The following INO80D variants were observed in gnomAD, a reference collection of about 807,000 sequenced individuals.
INO80D encodes INO80 complex subunit D.
In INO80D, 21 loss-of-function variants were observed where a neutral mutation model predicts 87.6. That is an observed-to-expected ratio of 0.24 (90% CI 0.17 to 0.35). INO80D has a LOEUF of 0.35. Among genes scored for constraint, INO80D ranks in the 10% least tolerant of loss-of-function variants. INO80D has a pLI of 1.00. For synonymous variants in INO80D, 440 were observed against 491.0 expected, an observed-to-expected ratio of 0.90 and a Z score of 1.37; for missense variants, 982 against 1,280.7, an observed-to-expected ratio of 0.77 and a Z score of 3.56.
chr2:206,028,884 GT>G (rs961103518), intron 5 of INO80D, among the ~76,000 whole-genome samples: 1 of 149,582 alleles, frequency 6.7e-6, no homozygotes, highest in Non-Finnish European at 1.5e-5. Context: ...TTTTTGTTTT[GT>G]TTTTTTGTTT....
At chr2:206,049,734 A>T (rs916508271) in intron 4 of INO80D, among the ~76,000 whole-genome samples, 2 of 152,150 alleles carry the variant, frequency 1.3e-5, no homozygotes, top group Non-Finnish European at 2.9e-5. Flanking sequence ...TACAGACTAC[A>T]CTCTGTCATA....
intron 10 of INO80D, among the ~76,000 whole-genome samples, chr2:206,005,768 C>T (rs1688006828): frequency 2.0e-5 from 3 of 152,154 alleles, no homozygotes; most frequent in Admixed American, 1.3e-4. Context: ...TACTGAATAC[C>T]ATCTCAAAAA....
At chr2:206,031,048 A>C (rs1310668321) in intron 5 of INO80D, among the ~76,000 whole-genome samples, 2 of 152,124 alleles carry the variant, frequency 1.3e-5, no homozygotes, top group Non-Finnish European at 2.9e-5. Context: ...CCACCAACAA[A>C]GAATGGGAAG....
chr2:206,072,780 TATAG>T (rs1246128638), intron 1 of INO80D, among the ~76,000 whole-genome samples: 1 of 152,118 alleles, frequency 6.6e-6, no homozygotes, highest in African/African-American at 2.4e-5. Context: ...GCATACTTAT[TATAG>T]AATTTTTTTA....
chr2:206,064,817 GA>G (rs140035256), intron 1 of INO80D, among the ~76,000 whole-genome samples: 41,383 of 146,570 alleles, frequency 0.28, 6,585 homozygotes, highest in Non-Finnish European at 0.36. Flanking sequence ...ACTGTAGTAG[GA>G]AAAAAAAAAA....
In INO80D at chr2:206,019,791, C is replaced by T. The variant is rs200656342; in HGVS notation, c.1353G>A (p.Val451=). The T allele has an allele frequency of 1.2e-5, 20 of 1,613,828 alleles. No individual in the cohort carries two copies. Among genetic ancestry groups the T allele is most frequent in the Non-Finnish European group, 1.7e-5 (20 of 1,179,876 alleles). ...EVEPAACSGT[V]KGEQCANKAL... ...CTTTGTTAGCGCACTGTTCACCCTT[C>T]ACGGTTCCACTGCATGCTGCTGGTT... Residue 451 remains valine (V), a synonymous_variant, in exon 7 of 11, where the codon GTG becomes GTA. Coordinates refer to ENST00000403263, the MANE Select transcript of INO80D (RefSeq NM_017759.5).
Position 206,056,558 on chromosome 2 carries a change from G to C in INO80D, c.604C>G (p.Gln202Glu), listed in dbSNP as rs568057787. Residue 202 changes from glutamine (Q) to glutamate (E), a missense_variant, in exon 4 of 11, where the codon CAG (glutamine) becomes GAG (glutamate). Transcript: ENST00000403263. ...EHFSPPPAPS[Q>E]QQPPQQHSHL... ...GAGTGCTGCTGCGGAGGCTGCTGCT[G>C]TGAAGGTGCAGGAGGGGGACTAAAG... is the stretch of plus-strand genomic sequence containing the variant. The C allele has an allele frequency of 6.2e-7, 1 of 1,612,892 alleles. No individual in the cohort carries two copies. Among genetic ancestry groups the C allele is most frequent in the South Asian group, 1.1e-5 (1 of 90,904 alleles).
At chr2:206,018,137 TTTTTTTGTTTTG>T (rs1688367118) in intron 7 of INO80D, among the ~76,000 whole-genome samples, 1 of 152,118 alleles carries the variant, frequency 6.6e-6, no homozygotes, top group Non-Finnish European at 1.5e-5. Context: ...CACTTCATGT[TTTTTTTGTTTTG>T]TTTTTTGTTT....
At chr2:206,081,093 C>T (rs1041032437) in intron 1 of INO80D, among the ~76,000 whole-genome samples, 11 of 152,110 alleles carry the variant, frequency 7.2e-5, no homozygotes, top group African/African-American at 2.4e-4. Context: ...ATTATTACCC[C>T]CTTTTACAGA....
At position 206,003,443 on chromosome 2, in the gene INO80D, A is replaced by G. The variant is rs928825339; in HGVS notation, c.*925T>C. The G allele has an allele frequency of 6.6e-6, 1 of 152,236 alleles. No individual in the cohort carries two copies. The highest frequency in any genetic ancestry group is 2.4e-5 in the African/African-American group (1 of 41,454). 9.4% of individuals were successfully genotyped at this position (152,236 alleles called of 1,614,324 possible). A position where few individuals can be genotyped will look rare whatever the true frequency, so the allele number is the denominator to read the frequency against. On this transcript the variant is annotated 3_prime_UTR_variant, in exon 11 of 11. Coordinates refer to ENST00000403263, the MANE Select transcript of INO80D (RefSeq NM_017759.5). Reference sequence around the variant, plus strand: ...GATTTAGAAACAAACAAATGTCTGAAAAGACAAAGTGACCATCAGGCCCCA... The same window carrying G: ...GATTTAGAAACAAACAAATGTCTGAGAAGACAAAGTGACCATCAGGCCCCA...
intron 5 of INO80D, chr2:206,040,981 A>G (rs1689032130): frequency 6.5e-6 from 1 of 154,206 alleles, no homozygotes; most frequent in African/African-American, 2.4e-5. Context: ...GTAGGAATGA[A>G]AGGACACTGT....
chr2:206,053,097 T>C (rs1256251234), intron 4 of INO80D, among the ~76,000 whole-genome samples: 1 of 152,082 alleles, frequency 6.6e-6, no homozygotes, highest in African/African-American at 2.4e-5. Context: ...GAAGGAAAAT[T>C]TGGCAACATA....
intron 5 of INO80D, among the ~76,000 whole-genome samples, chr2:206,042,125 T>C (rs1689066467): frequency 6.6e-6 from 1 of 151,948 alleles, no homozygotes; most frequent in African/African-American, 2.4e-5. Flanking sequence ...GAGTGAAACC[T>C]TGTCTCAAAA....
At chr2:206,043,370 C>A (rs1456360573) in intron 5 of INO80D, among the ~76,000 whole-genome samples, 1 of 152,108 alleles carries the variant, frequency 6.6e-6, no homozygotes, top group East Asian at 1.9e-4. Context: ...TGGGGTTTCA[C>A]CATGTTGGTA....
At chr2:206,006,601 G>A (rs749685484) in intron 10 of INO80D, among the ~76,000 whole-genome samples, 4 of 148,144 alleles carry the variant, frequency 2.7e-5, no homozygotes, top group Non-Finnish European at 6.0e-5. Flanking sequence ...GAGAATCGCT[G>A]GAACATGGGA....
At chr2:206,039,785 G>C (rs1688991981) in intron 5 of INO80D, among the ~76,000 whole-genome samples, 1 of 144,556 alleles carries the variant, frequency 6.9e-6, no homozygotes, top group East Asian at 2.0e-4. Context: ...ACTCCAGCCT[G>C]GGCAACAGAG....
chr2:206,083,026 CACTT>C (rs1328786807), intron 1 of INO80D, among the ~76,000 whole-genome samples: 3 of 152,304 alleles, frequency 2.0e-5, no homozygotes, highest in Non-Finnish European at 4.4e-5. Context: ...TTTAAACTAA[CACTT>C]AATAATAAAA....
At chr2:206,033,330 T>C (rs1407554141) in intron 5 of INO80D, among the ~76,000 whole-genome samples, 1 of 152,186 alleles carries the variant, frequency 6.6e-6, no homozygotes, top group Non-Finnish European at 1.5e-5. Context: ...ATAGACCATA[T>C]GCTAGACCAC....
rs888628853 is a variant in INO80D, at chr2:206,003,118, A to G, written c.*1250T>C. 6.6e-6 allele frequency: 1 copy of G among 152,246 alleles called. No homozygotes were observed. The highest frequency in any genetic ancestry group is 1.5e-5 in the Non-Finnish European group (1 of 68,050). The allele number at this position is 152,246 out of a possible 1,614,324, so 9.4% of individuals were successfully genotyped here. A position where few individuals can be genotyped will look rare whatever the true frequency, so the allele number is the denominator to read the frequency against. On this transcript the variant is annotated 3_prime_UTR_variant, in exon 11 of 11. Coordinates refer to ENST00000403263, the MANE Select transcript of INO80D (RefSeq NM_017759.5). ...CAAGTACTTGAATTATTTTAAAAGGACCAAAGGGCGAATAAAATTTATATC... is the reference window on the plus strand; with the variant it reads ...CAAGTACTTGAATTATTTTAAAAGGGCCAAAGGGCGAATAAAATTTATATC...
Sources: allele counts gnomAD v4.1 joint callset (sites outside exome capture counted in the v4.1 genomes callset), GRCh38; gene constraint gnomAD v4.1.1; transcripts MANE v1.5; gene names NCBI Gene and HGNC (gene_info 2026-07-23, HGNC 2026-07-21).